PRDM11: variants seen among roughly 807,000 people sequenced by gnomAD.
PRDM11 encodes the protein PR/SET domain 11, also known as PR domain-containing protein 11.
In PRDM11, 20 loss-of-function variants were observed where a neutral mutation model predicts 97.8. The ratio of observed to expected loss-of-function variants is 0.20; its 90% CI spans 0.14 to 0.30. The LOEUF is 0.30. Ranked by LOEUF, PRDM11 falls within the 10% of genes least tolerant of loss-of-function variation. The pLI is 1.00. For missense variants in PRDM11, 1,139 were observed against 1,555.2 expected, an observed-to-expected ratio of 0.73 and a Z score of 4.50; for synonymous variants, 599 against 637.7, an observed-to-expected ratio of 0.94 and a Z score of 0.91.
chr11:45,220,951 C>T (rs1046115767), intron 6 of PRDM11, among the ~76,000 whole-genome samples: 21 of 152,220 alleles, frequency 1.4e-4, no homozygotes, highest in African/African-American at 5.1e-4. Context: ...CGCATCCAAA[C>T]ACCTAGAGTC....
chr11:45,162,383 AG>A (rs1851952467), intron 1 of PRDM11, among the ~76,000 whole-genome samples: 1 of 152,040 alleles, frequency 6.6e-6, no homozygotes, highest in Admixed American at 6.5e-5. Flanking sequence ...AGAGGCCCAA[AG>A]GGCCTCTCTG....
At chr11:45,193,088 T>C (rs1407779071) in intron 4 of PRDM11, among the ~76,000 whole-genome samples, 1 of 152,230 alleles carries the variant, frequency 6.6e-6, no homozygotes. Context: ...TATGTATTTA[T>C]TTATTTAGAA....
intron 1 of PRDM11, among the ~76,000 whole-genome samples, chr11:45,114,765 A>C (rs1852264951): frequency 6.6e-6 from 1 of 152,168 alleles, no homozygotes; most frequent in Non-Finnish European, 1.5e-5. Flanking sequence ...ATGAGTTATC[A>C]TCAGAGACAA....
In PRDM11 at chr11:45,227,990, C is replaced by A; in HGVS notation, c.3365C>A (p.Pro1122Gln). The A allele has an allele frequency of 6.5e-7, 1 of 1,533,768 alleles. No homozygotes were observed. Among genetic ancestry groups the A allele is most frequent in the Non-Finnish European group, 8.7e-7 (1 of 1,146,714 alleles). Residue 1122 changes from proline (P) to glutamine (Q), a missense_variant, in exon 8 of 8, where the codon CCG (proline) becomes CAG (glutamine). By Grantham distance (76) the Pro-to-Gln change is moderately conservative (BLOSUM62 -1). Around this residue, in one of 2 missense-constraint regions of PRDM11, gnomAD observed 710 missense variants for 1,044.9 expected, o/e 0.68. Transcript: ENST00000683152. The surrounding 1 kb of genome is among the most constrained non-coding windows in gnomAD (Gnocchi z 8.0). Reference protein sequence around the residue: ...SDLLTIAVNGPPITNFDAKRA... With the variant: ...SDLLTIAVNGQPITNFDAKRA... ...CTGTTGACAATCGCTGTAAACGGACCGCCAATCACCAACTTTGATGCCAAG... is the reference window on the plus strand; with the variant it reads ...CTGTTGACAATCGCTGTAAACGGACAGCCAATCACCAACTTTGATGCCAAG...
At chr11:45,215,298 A>G (rs976844530) in intron 5 of PRDM11, among the ~76,000 whole-genome samples, 12 of 152,234 alleles carry the variant, frequency 7.9e-5, no homozygotes, top group Non-Finnish European at 1.6e-4. Flanking sequence ...CCAGTCTCAG[A>G]GAGCTTCTCT....
chr11:45,212,682 C>A (rs1454797724), intron 5 of PRDM11: 2 of 456,366 alleles, frequency 4.4e-6, no homozygotes, highest in Non-Finnish European at 8.8e-6. Flanking sequence ...CGGCCGCACC[C>A]CAGCCCACCC....
At chr11:45,114,064 T>C (rs529239598) in intron 1 of PRDM11, among the ~76,000 whole-genome samples, 63 of 152,104 alleles carry the variant, frequency 4.1e-4, no homozygotes, top group African/African-American at 1.4e-3. Context: ...TGAATAGAAG[T>C]GGTAAAAATG....
chr11:45,212,005 G>T (rs1158949298), intron 5 of PRDM11, among the ~76,000 whole-genome samples: 3 of 152,220 alleles, frequency 2.0e-5, no homozygotes, highest in African/African-American at 7.2e-5. Context: ...TTAGGCAGGT[G>T]CCGCTCCTTC....
chr11:45,223,750 T>C (rs920903514), intron 6 of PRDM11, among the ~76,000 whole-genome samples: 1 of 152,180 alleles, frequency 6.6e-6, no homozygotes, highest in African/African-American at 2.4e-5. Flanking sequence ...GAGTGAGGCC[T>C]ATGGTGTTTC....
intron 1 of PRDM11, among the ~76,000 whole-genome samples, chr11:45,126,828 T>C (rs1318452905): frequency 1.3e-5 from 2 of 152,206 alleles, no homozygotes; most frequent in African/African-American, 4.8e-5. Context: ...GAGTTGCTCT[T>C]CTCGAGGAGT....
chr11:45,133,558 T>C (rs1565248588), intron 1 of PRDM11, among the ~76,000 whole-genome samples: 1 of 152,160 alleles, frequency 6.6e-6, no homozygotes, highest in South Asian at 2.1e-4. Context: ...ATTTTTTTAG[T>C]TATAGGAGCC....
At chr11:45,162,510 A>G (rs1470358445) in intron 1 of PRDM11, among the ~76,000 whole-genome samples, 1 of 152,162 alleles carries the variant, frequency 6.6e-6, no homozygotes, top group Non-Finnish European at 1.5e-5. Context: ...TTTTAAGAAC[A>G]TAGTGTCAGA....
chr11:45,210,109 C>T (rs1012524864), intron 5 of PRDM11, among the ~76,000 whole-genome samples: 5 of 152,288 alleles, frequency 3.3e-5, no homozygotes, highest in Admixed American at 2.0e-4. Context: ...AAGGCCCGGG[C>T]CGGGCCATGG....
chr11:45,142,396 A>T (rs1370990736), upstream of PRDM11, among the ~76,000 whole-genome samples: 2 of 148,090 alleles, frequency 1.4e-5, no homozygotes, highest in Non-Finnish European at 3.0e-5. Context: ...CTGCTACTCA[A>T]CTCTTGGTGG....
chr11:45,221,961 T>C (rs3758723), intron 6 of PRDM11, among the ~76,000 whole-genome samples: 35,447 of 152,196 alleles, frequency 0.23, 4,425 homozygotes, highest in South Asian at 0.3. Context: ...CTTGGTCTTA[T>C]ATAGAAGGAG....
At position 45,228,245 on chromosome 11, in the gene PRDM11, T is replaced by A. The variant is rs1590485500; in HGVS notation, c.*86T>A. 2.4e-5 allele frequency: 1 copy of A among 41,286 alleles called. No individual in the cohort carries two copies. Among genetic ancestry groups the A allele is most frequent in the Non-Finnish European group, 4.8e-5 (1 of 20,942 alleles). 2.6% of individuals were successfully genotyped at this position (41,286 alleles called of 1,614,324 possible). On this transcript the variant is annotated 3_prime_UTR_variant, in exon 8 of 8. Coordinates refer to ENST00000683152, the MANE Select transcript of PRDM11 (RefSeq NM_001384648.1). The stretch of plus-strand genomic sequence containing the variant: ...CTTTGATATATTATATAAATATATA[T>A]TATATTATATTATATTATATTATAT...
Position 45,183,082 on chromosome 11 carries a change from A to T in PRDM11, c.445A>T (p.Ile149Phe). The change falls in exon 4 of 8, where the codon ATC becomes TTC. Residue 149 changes from isoleucine to phenylalanine, a missense_variant. Coordinates refer to ENST00000683152, the MANE Select transcript of PRDM11 (RefSeq NM_001384648.1). ...CATCTTCGGCCCCTATGAGGGGCAG[A>T]TCTCCACCCAGGACAAATCAGCTGG... ...GHIFGPYEGQISTQDKSAGFF... is the reference protein window; with the variant it reads ...GHIFGPYEGQFSTQDKSAGFF... 1 of 1,613,886 alleles carries T rather than the reference A, an allele frequency of 6.2e-7. No individual in the cohort carries two copies. The highest frequency in any genetic ancestry group is 1.7e-5 in the Admixed American group (1 of 59,986).
intron 1 of PRDM11, among the ~76,000 whole-genome samples, chr11:45,117,782 C>T (rs10742740): frequency 0.83 from 126,327 of 152,110 alleles, 53,307 homozygotes; most frequent in Middle Eastern, 0.88. Context: ...AGGAGGAGCA[C>T]AGCTCCCCAC....
chr11:45,198,783 G>A (rs1444293118), intron 4 of PRDM11, among the ~76,000 whole-genome samples: 1 of 152,174 alleles, frequency 6.6e-6, no homozygotes, highest in African/African-American at 2.4e-5. Flanking sequence ...AATGGTTGAG[G>A]GTGGTTAATG....
Sources: gnomAD v4.1 joint callset for allele counts (sites outside exome capture counted in the v4.1 genomes callset) on GRCh38, gnomAD v4.1.1 for gene constraint, gnomAD v4.1.1 regional missense constraint, Gnocchi (gnomAD v3.1) non-coding constraint, MANE v1.5 for transcripts, NCBI Gene and HGNC (gene_info 2026-07-23, HGNC 2026-07-21) for gene names.